ZC3H7A: variants seen among roughly 807,000 people sequenced by gnomAD.
ZC3H7A encodes zinc finger CCCH-type containing 7A.
A neutral mutation model predicts 125.5 loss-of-function variants in ZC3H7A; 44 were observed. The ratio of observed to expected loss-of-function variants is 0.35; its 90% CI spans 0.28 to 0.45. The LOEUF is 0.45. Ranked by LOEUF, ZC3H7A falls within the 20% of genes least tolerant of loss-of-function variation. The pLI, the probability that ZC3H7A is intolerant of heterozygous loss-of-function variation, is 1.00. For missense variants in ZC3H7A, 977 were observed against 1,170.7 expected, an observed-to-expected ratio of 0.83 and a Z score of 2.41; for synonymous variants, 399 against 391.2, an observed-to-expected ratio of 1.02 and a Z score of -0.23.
At chr16:11,773,236 A>G (rs764158788) in intron 9 of ZC3H7A, among the ~76,000 whole-genome samples, 8 of 151,864 alleles carry the variant, frequency 5.3e-5, no homozygotes, top group Non-Finnish European at 4.4e-5. Context: ...GCTAGAGTGC[A>G]TGGCACAATC....
chr16:11,768,999 G>A lies in ZC3H7A; in HGVS notation c.1173+32C>T, dbSNP rs375104594. On this transcript the variant is annotated intron_variant, in intron 11 of 22. Transcript: ENST00000355758. Reference sequence around the variant, plus strand: ...TTAAGTAACTATTTTCAATTCAAGCGATGTATTTACAAAAGAGGAAGTGGC... The same window carrying A: ...TTAAGTAACTATTTTCAATTCAAGCAATGTATTTACAAAAGAGGAAGTGGC... The A allele has an allele frequency of 5.3e-5, 83 of 1,568,800 alleles. 1 individual carries two copies. The highest frequency in any genetic ancestry group is 4.3e-4 in the Admixed American group (22 of 51,384).
intron 7 of ZC3H7A, among the ~76,000 whole-genome samples, chr16:11,775,990 T>A (rs2053073327): frequency 5.3e-5 from 8 of 152,108 alleles, no homozygotes; most frequent in Admixed American, 5.2e-4. Context: ...TGAAACCCCA[T>A]CGCTACAAAA....
intron 15 of ZC3H7A, among the ~76,000 whole-genome samples, chr16:11,764,181 G>A (rs1352892783): frequency 6.6e-6 from 1 of 152,192 alleles, no homozygotes; most frequent in Non-Finnish European, 1.5e-5. Context: ...GCGAGGCCAA[G>A]ACGGGTGGAT....
At chr16:11,784,986 C>G (rs2053234281) in intron 1 of ZC3H7A, among the ~76,000 whole-genome samples, 1 of 152,056 alleles carries the variant, frequency 6.6e-6, no homozygotes, top group Non-Finnish European at 1.5e-5. Flanking sequence ...TGGGGAAACC[C>G]CATCTCTACT....
intron 1 of ZC3H7A, among the ~76,000 whole-genome samples, chr16:11,786,288 G>C (rs1403001871): frequency 6.6e-6 from 1 of 152,152 alleles, no homozygotes; most frequent in Non-Finnish European, 1.5e-5. Context: ...CAGGATGCCA[G>C]AGCAGTCAGG....
intron 12 of ZC3H7A, among the ~76,000 whole-genome samples, chr16:11,767,807 T>C (rs1054080487): frequency 9.9e-5 from 15 of 152,210 alleles, no homozygotes; most frequent in African/African-American, 3.6e-4. Flanking sequence ...CAAAAAAAAA[T>C]ACCCTTACTT....
chr16:11,773,756 G>A (rs996150251), intron 9 of ZC3H7A, among the ~76,000 whole-genome samples: 6 of 151,802 alleles, frequency 4.0e-5, no homozygotes, highest in Non-Finnish European at 7.4e-5. Flanking sequence ...GGTGGCGGGC[G>A]CCTGTAGTCC....
Position 11,774,409 on chromosome 16 carries a change from A to C in ZC3H7A, c.730T>G (p.Ser244Ala), listed in dbSNP as rs778024139. 6.2e-7 allele frequency: 1 copy of C among 1,613,580 alleles called. No homozygotes were observed. The highest frequency in any genetic ancestry group is 8.5e-7 in the Non-Finnish European group (1 of 1,179,656). Residue 244 changes from serine (S) to alanine (A), a missense_variant, in exon 9 of 23, where the codon TCT becomes GCT. Ser to Ala is a moderately conservative substitution (Grantham distance 99). This residue lies in a region of ZC3H7A where 342 missense variants were observed against 311.3 expected (regional missense o/e 1.10). Coordinates refer to ENST00000355758, the MANE Select transcript of ZC3H7A (RefSeq NM_014153.4). ...LASVPVMPLT[S>A]ILPLQVEESA... is the part of the protein sequence containing the mutation. ...TCTTCCACTTGTAGTGGCAAAATAGAAGTTAAGGGCATAACAGGAACTGAG... is the reference window on the plus strand; with the variant it reads ...TCTTCCACTTGTAGTGGCAAAATAGCAGTTAAGGGCATAACAGGAACTGAG...
chr16:11,758,896 T>G, intron 19 of ZC3H7A: 1 of 238,682 alleles, frequency 4.2e-6, no homozygotes. Flanking sequence ...ACACTAATGA[T>G]TCCTCCACAT....
intron 10 of ZC3H7A, among the ~76,000 whole-genome samples, chr16:11,770,264 T>G (rs1412711813): frequency 6.6e-6 from 1 of 152,162 alleles, no homozygotes; most frequent in Non-Finnish European, 1.5e-5. Flanking sequence ...GTATATATGT[T>G]AAACCTAGGA....
chr16:11,789,327 A>G (rs1379081749), intron 1 of ZC3H7A, among the ~76,000 whole-genome samples: 1 of 151,960 alleles, frequency 6.6e-6, no homozygotes, highest in Non-Finnish European at 1.5e-5. Flanking sequence ...GCAATGGCAC[A>G]ATCTCCAGCC....
At chr16:11,752,144 G>A (rs1253689801) in intron 22 of ZC3H7A, among the ~76,000 whole-genome samples, 2 of 152,092 alleles carry the variant, frequency 1.3e-5, no homozygotes, top group South Asian at 2.1e-4. Context: ...GGCCTCAAGT[G>A]ACCCAACCGC....
intron 1 of ZC3H7A, among the ~76,000 whole-genome samples, chr16:11,790,803 G>A (rs1300936885): frequency 6.6e-6 from 1 of 151,848 alleles, no homozygotes; most frequent in East Asian, 1.9e-4. Context: ...TCTCTCCCAG[G>A]AGGCAGAGGT....
chr16:11,779,472 G>C, intron 3 of ZC3H7A, 109 bp from the exon 4 acceptor site: 1 of 920,358 alleles, frequency 1.1e-6, no homozygotes, highest in Non-Finnish European at 1.6e-6. Flanking sequence ...TGACAGAACA[G>C]CAGCATTGCT....
intron 1 of ZC3H7A, among the ~76,000 whole-genome samples, chr16:11,793,891 G>A (rs965690782): frequency 2.4e-4 from 36 of 152,156 alleles, no homozygotes; most frequent in Non-Finnish European, 4.0e-4. Context: ...TTACATTTTG[G>A]CTGGAGTTCT....
intron 1 of ZC3H7A, chr16:11,796,306 C>T (rs1017939461): frequency 2.0e-5 from 3 of 152,268 alleles, no homozygotes; most frequent in Non-Finnish European, 4.4e-5. Context: ...AAACTGGCCC[C>T]ATTTCGTGGG....
intron 4 of ZC3H7A, among the ~76,000 whole-genome samples, chr16:11,777,674 T>C (rs995603526): frequency 6.6e-6 from 1 of 151,858 alleles, no homozygotes; most frequent in Non-Finnish European, 1.5e-5. Flanking sequence ...TAAGCCGAGA[T>C]TGTGCCACTG....
intron 1 of ZC3H7A, among the ~76,000 whole-genome samples, chr16:11,795,186 T>G (rs1030717804): frequency 1.3e-5 from 2 of 152,202 alleles, no homozygotes; most frequent in Admixed American, 6.5e-5. Flanking sequence ...TTCTGCAAAT[T>G]AGGACAAGAC....
At chr16:11,793,879 T>C (rs1277949263) in intron 1 of ZC3H7A, among the ~76,000 whole-genome samples, 1 of 152,142 alleles carries the variant, frequency 6.6e-6, no homozygotes, top group Non-Finnish European at 1.5e-5. Flanking sequence ...AGGAAGGTAA[T>C]GTTACATTTT....
Sources: allele counts gnomAD v4.1 joint callset (sites outside exome capture counted in the v4.1 genomes callset), GRCh38; gene constraint gnomAD v4.1.1; regional missense constraint gnomAD v4.1.1; transcripts MANE v1.5; gene names NCBI Gene and HGNC (gene_info 2026-07-23, HGNC 2026-07-21).